The following CXXC5 variants were observed in gnomAD, a reference collection of about 807,000 sequenced individuals.
CXXC5 encodes the protein CXXC finger protein 5.
In CXXC5, 2 loss-of-function variants were observed where a neutral mutation model predicts 17.6. The observed-to-expected ratio is 0.11, with a 90% CI of 0.05 to 0.36. The LOEUF (loss-of-function observed/expected upper bound fraction) is 0.36, where lower values mean the gene tolerates loss of function less well. CXXC5 is among the 10% of genes least tolerant of loss of function. The pLI is 1.00. For missense variants in CXXC5, 343 were observed against 458.3 expected, an observed-to-expected ratio of 0.75 and a Z score of 2.30; for synonymous variants, 171 against 193.0, an observed-to-expected ratio of 0.89 and a Z score of 0.94.
rs558482282 is a variant in CXXC5 at position 139,658,735 on chromosome 5, C to T, written c.-161+9890C>T. On this transcript the variant is annotated intron_variant, in intron 1 of 2. Transcript: ENST00000302517. The surrounding 1 kb of genome is among the most constrained non-coding windows in gnomAD (Gnocchi z 4.1). ...TCCCCCTCTGACTCATGGCCGCCTG[C>T]AGCTCCCCCTCCCTTGGGGTCCTCA... is the stretch of plus-strand genomic sequence containing the variant. 6.6e-6 allele frequency among the ~76,000 whole-genome samples: 1 copy of T among 152,350 alleles called. No individual in the cohort carries two copies. The highest frequency in any genetic ancestry group is 1.9e-4 in the East Asian group (1 of 5,170).
chr5:139,650,298 G>T (rs561969274), intron 1 of CXXC5, among the ~76,000 whole-genome samples: 2 of 151,320 alleles, frequency 1.3e-5, no homozygotes, highest in Non-Finnish European at 2.9e-5. Context: ...CCTTCGGATG[G>T]GGGGGGAGCT....
rs1323353326 is a variant in CXXC5, at chr5:139,658,702, T to C, written c.-161+9857T>C. Among the ~76,000 whole-genome samples the C allele has an allele frequency of 6.6e-6, 1 of 152,198 alleles. No homozygotes were observed. The highest frequency in any genetic ancestry group is 1.5e-5 in the Non-Finnish European group (1 of 68,014). On this transcript the variant is annotated intron_variant, in intron 1 of 2. Coordinates refer to ENST00000302517, the MANE Select transcript of CXXC5 (RefSeq NM_016463.9). The surrounding 1 kb of genome is among the most constrained non-coding windows in gnomAD (Gnocchi z 4.1). ...GCAACAGCCGGCAGGGCCGGGCGGC[T>C]TCCCAGCTCCCCCTCTGACTCATGG...
In CXXC5 at chr5:139,673,535, A is replaced by G. The variant is rs557426155; in HGVS notation, c.-160-6829A>G. On this transcript the variant is annotated intron_variant, in intron 1 of 2. Coordinates refer to ENST00000302517, the MANE Select transcript of CXXC5 (RefSeq NM_016463.9). ...ATCCCCTCCTCCAGCTGTTTTGGGG[A>G]GCACCGTAAAACAGAACAGAGCCTG... is the stretch of plus-strand genomic sequence containing the variant. 3.9e-5 allele frequency among the ~76,000 whole-genome samples: 6 copies of G among 152,186 alleles called. No homozygotes were observed. In the South Asian group the frequency reaches 1.2e-3, roughly 32 times the overall value.
intron 1 of CXXC5, among the ~76,000 whole-genome samples, chr5:139,660,797 G>C (rs1755757193): frequency 6.6e-6 from 1 of 151,428 alleles, no homozygotes; most frequent in Non-Finnish European, 1.5e-5. Context: ...CAGCTGCTGG[G>C]GTTGGGGGGA....
rs769374809 is a variant in CXXC5, at chr5:139,682,852, G to A, written c.925-11G>A. 6.9e-6 allele frequency: 11 copies of A among 1,588,170 alleles called. No individual in the cohort carries two copies. In the East Asian group the frequency reaches 7.0e-5, roughly 10 times the overall value. On this transcript the variant is annotated splice_polypyrimidine_tract_variant and intron_variant, in intron 2 of 2. Coordinates refer to ENST00000302517, the MANE Select transcript of CXXC5 (RefSeq NM_016463.9). ...AACTCTCTCCTTGTTTTTGTCTCCCGCCCCCGCCAGAAGGTGATGCTTCCG... is the reference window on the plus strand; with the variant it reads ...AACTCTCTCCTTGTTTTTGTCTCCCACCCCCGCCAGAAGGTGATGCTTCCG...
At chr5:139,682,120 AC>A (rs1021671666) in intron 2 of CXXC5, among the ~76,000 whole-genome samples, 7 of 152,098 alleles carry the variant, frequency 4.6e-5, no homozygotes, top group Non-Finnish European at 8.8e-5. Flanking sequence ...CTATCTCTGC[AC>A]CCCTGTGGCA....
Position 139,661,958 on chromosome 5 carries a change from G to T in CXXC5, c.-161+13113G>T, listed in dbSNP as rs1419568009. Among the ~76,000 whole-genome samples, 1 of 152,246 alleles carries T rather than the reference G, an allele frequency of 6.6e-6. No individual in the cohort carries two copies. Among genetic ancestry groups the T allele is most frequent in the Non-Finnish European group, 1.5e-5 (1 of 68,040 alleles). On this transcript the variant is annotated intron_variant, in intron 1 of 2. Coordinates refer to ENST00000302517, the MANE Select transcript of CXXC5 (RefSeq NM_016463.9). This position sits in a 1 kb window ranked among gnomAD's most constrained non-coding sequence, Gnocchi z 4.7. ...CCAGGCAGAGTGGGTTGGGTACATG[G>T]GGGAGAGATACAGGGGAGCTGGGAA...
Position 139,683,036 on chromosome 5 carries a change from A to C in CXXC5, c.*129A>C. On this transcript the variant is annotated 3_prime_UTR_variant, in exon 3 of 3. Coordinates refer to ENST00000302517, the MANE Select transcript of CXXC5 (RefSeq NM_016463.9). ...CCAAAAATATTCTCTCACAGATTTC[A>C]TTCCTGTTTTTATATATATATTTTT... The C allele has an allele frequency of 2.9e-6, 2 of 691,738 alleles. No individual in the cohort carries two copies. The highest frequency in any genetic ancestry group is 4.2e-6 in the Non-Finnish European group (2 of 473,072). The allele number at this position is 691,738 out of a possible 1,614,324, so 42.9% of individuals were successfully genotyped here.
intron 1 of CXXC5, among the ~76,000 whole-genome samples, chr5:139,667,455 T>C (rs571976189): frequency 2.0e-5 from 3 of 152,226 alleles, no homozygotes; most frequent in Non-Finnish European, 2.9e-5. Flanking sequence ...TGTGGGGGCA[T>C]AGGGCTCTTG....
chr5:139,683,623 G>T lies in CXXC5; in HGVS notation c.*716G>T, dbSNP rs1757383289. ...TGTTCGTTTATCCATTGCGATCTGG[G>T]GAGCCCCATCTCGATATTTCCAATC... On this transcript the variant is annotated 3_prime_UTR_variant, in exon 3 of 3. Transcript: ENST00000302517. 1 of 152,582 alleles carries T rather than the reference G, an allele frequency of 6.6e-6. No individual in the cohort carries two copies. Among genetic ancestry groups the T allele is most frequent in the African/African-American group, 2.4e-5 (1 of 41,558 alleles). The allele number at this position is 152,582 out of a possible 1,614,324, so 9.5% of individuals were successfully genotyped here.
Position 139,670,171 on chromosome 5 carries a change from T to G in CXXC5, c.-160-10193T>G, listed in dbSNP as rs981197882. 6.6e-6 allele frequency among the ~76,000 whole-genome samples: 1 copy of G among 152,116 alleles called. No homozygotes were observed. The highest frequency in any genetic ancestry group is 2.4e-5 in the African/African-American group (1 of 41,412). The stretch of plus-strand genomic sequence containing the variant: ...TTCCGGGGCTGCGGCGACACCTCCC[T>G]CCCTCCTCCTCAGCCTCCCGCCTCT... On this transcript the variant is annotated intron_variant, in intron 1 of 2. Coordinates refer to ENST00000302517, the MANE Select transcript of CXXC5 (RefSeq NM_016463.9). The surrounding 1 kb of genome is among the most constrained non-coding windows in gnomAD (Gnocchi z 4.2).
Position 139,681,190 on chromosome 5 carries a change from A to T in CXXC5, c.667A>T (p.Met223Leu). Reference protein sequence around the residue: ...AFPINPGLFIMTPAGVFLAES... With the variant: ...AFPINPGLFILTPAGVFLAES... Reference sequence around the variant, plus strand: ...CCCCATCAACCCAGGCCTCTTCATTATGACCCCGGCAGGTGTGTTCCTGGC... The same window carrying T: ...CCCCATCAACCCAGGCCTCTTCATTTTGACCCCGGCAGGTGTGTTCCTGGC... Residue 223 changes from methionine to leucine, a missense_variant, in exon 2 of 3, where the codon ATG becomes TTG. Physicochemically the swap from Met to Leu is conservative, Grantham distance 15. Coordinates refer to ENST00000302517, the MANE Select transcript of CXXC5 (RefSeq NM_016463.9). 1 of 1,612,882 alleles carries T rather than the reference A, an allele frequency of 6.2e-7. No homozygotes were observed. The highest frequency in any genetic ancestry group is 2.2e-5 in the East Asian group (1 of 44,868).
chr5:139,679,100 G>C (rs1231354398), intron 1 of CXXC5, among the ~76,000 whole-genome samples: 1 of 152,178 alleles, frequency 6.6e-6, no homozygotes, highest in African/African-American at 2.4e-5. Context: ...TCCCTTGAGG[G>C]TCACGCCTAC....
In CXXC5 at chr5:139,670,313, C is replaced by T. The variant is rs183937323; in HGVS notation, c.-160-10051C>T. 2.4e-3 allele frequency among the ~76,000 whole-genome samples: 371 copies of T among 152,314 alleles called. 2 individuals carry two copies. Among genetic ancestry groups the T allele is most frequent in the Non-Finnish European group, 4.3e-3 (291 of 68,026 alleles). ...TAGACACTGGCCAGAGCTGTTGGAC[C>T]TTGAACAGCAGACAAGACAGGTGTC... On this transcript the variant is annotated intron_variant, in intron 1 of 2. Coordinates refer to ENST00000302517, the MANE Select transcript of CXXC5 (RefSeq NM_016463.9). The surrounding 1 kb of genome is among the most constrained non-coding windows in gnomAD (Gnocchi z 4.2).
At chr5:139,679,967 AG>A (rs1757084806) in intron 1 of CXXC5, 1 of 155,162 alleles carries the variant, frequency 6.4e-6, no homozygotes, top group Non-Finnish European at 1.4e-5. Context: ...CCAGCTAATA[AG>A]CATCTCCAAC....
At chr5:139,676,721 G>A (rs897942658) in intron 1 of CXXC5, among the ~76,000 whole-genome samples, 2 of 150,024 alleles carry the variant, frequency 1.3e-5, no homozygotes, top group African/African-American at 4.9e-5. Flanking sequence ...CCTTAGGGCT[G>A]TTTCCTTGTC....
chr5:139,656,007 T>C (rs1463439970), intron 1 of CXXC5, among the ~76,000 whole-genome samples: 1 of 152,188 alleles, frequency 6.6e-6, no homozygotes, highest in Non-Finnish European at 1.5e-5. Flanking sequence ...GTACCCGCCC[T>C]CCTCTGTCTG....
intron 1 of CXXC5, 99 bp from the exon 2 acceptor site, chr5:139,680,265 T>C (rs1757102930): frequency 1.8e-6 from 1 of 553,380 alleles, no homozygotes; most frequent in East Asian, 3.0e-5. Flanking sequence ...GTCAAGCACA[T>C]GGTGGTCAGG....
intron 1 of CXXC5, among the ~76,000 whole-genome samples, chr5:139,662,848 C>T (rs1017580137): frequency 2.6e-5 from 4 of 152,192 alleles, no homozygotes; most frequent in African/African-American, 9.7e-5. Flanking sequence ...TCATGTTTGT[C>T]ACCTGTGAGA....
Sources: allele counts gnomAD v4.1 joint callset (sites outside exome capture counted in the v4.1 genomes callset), GRCh38; gene constraint gnomAD v4.1.1; non-coding constraint Gnocchi (gnomAD v3.1); transcripts MANE v1.5; gene names NCBI Gene and HGNC (gene_info 2026-07-23, HGNC 2026-07-21).